Variants in PCDH9 observed in about 807,000 individuals in gnomAD.
The protein encoded by PCDH9 is protocadherin 9, also known as protocadherin-9.
PCDH9 carries 24 observed loss-of-function variants against 70.6 expected under a neutral mutation model. The ratio of observed to expected loss-of-function variants is 0.34; its 90% CI spans 0.25 to 0.48. The LOEUF is 0.48. PCDH9 is among the 20% of genes least tolerant of loss of function. The pLI is 0.99. For missense variants in PCDH9, 1,281 were observed against 1,503.6 expected (o/e 0.85, Z 2.45); for synonymous variants, 562 against 558.5 (o/e 1.01, Z -0.09).
intron 4 of PCDH9, among the ~76,000 whole-genome samples, chr13:66,498,115 C>T (rs1433290820): frequency 1.3e-5 from 2 of 151,684 alleles, no homozygotes; most frequent in African/African-American, 4.8e-5. Flanking sequence ...CCACCACGCC[C>T]AGCCCAAACT....
intron 4 of PCDH9, among the ~76,000 whole-genome samples, chr13:66,386,483 TAAG>T (rs1956932720): frequency 6.6e-6 from 1 of 152,176 alleles, no homozygotes; most frequent in African/African-American, 2.4e-5. Context: ...TCAAAGAATA[TAAG>T]AAGTACTTAC....
intron 2 of PCDH9, among the ~76,000 whole-genome samples, chr13:66,938,614 G>C (rs1045569743): frequency 6.6e-6 from 1 of 152,130 alleles, no homozygotes; most frequent in African/African-American, 2.4e-5. Flanking sequence ...ATGCAGAAAC[G>C]ACTGACATTG....
At position 66,849,059 on chromosome 13, in the gene PCDH9, G is replaced by A. The variant is rs539388786; in HGVS notation, c.3138+54445C>T. ...AAGTTAACAGTTCTAATAAATTAGC[G>A]TTTTAGAATATGATTCCTTTGTAGC... On this transcript the variant is annotated intron_variant, in intron 3 of 4. Transcript: ENST00000377865. 4.0e-5 allele frequency among the ~76,000 whole-genome samples: 6 copies of A among 151,572 alleles called. No homozygotes were observed. The South Asian group carries it at 1.2e-3, about 31-fold the overall frequency.
intron 2 of PCDH9, among the ~76,000 whole-genome samples, chr13:66,961,780 C>T (rs945878137): frequency 1.3e-5 from 2 of 151,974 alleles, no homozygotes; most frequent in African/African-American, 2.4e-5. Flanking sequence ...TGACCAGGTG[C>T]GGTGGCTCAT....
rs2083027294 is a variant in PCDH9, at chr13:66,942,829, ATTCCTT to A, written c.3037-39230_3037-39225del. On this transcript the variant is annotated intron_variant, in intron 2 of 4. Coordinates refer to ENST00000377865, the MANE Select transcript of PCDH9 (RefSeq NM_203487.3). ...AATGATGGAATTGTTTTTCTGGTTT[ATTCCTT>A]AAATGGCCTGAGCCAAGTGTTTGAC... Among the ~76,000 whole-genome samples, 3 of 152,116 alleles carry A rather than the reference ATTCCTT, an allele frequency of 2.0e-5. No homozygotes were observed. The South Asian group carries it at 6.2e-4, about 31-fold the overall frequency.
intron 3 of PCDH9, among the ~76,000 whole-genome samples, chr13:66,750,675 T>C (rs1225041590): frequency 4.6e-5 from 7 of 151,808 alleles, no homozygotes; most frequent in Non-Finnish European, 1.0e-4. Context: ...AAACCAAATC[T>C]GCTTAAATTA....
intron 3 of PCDH9, among the ~76,000 whole-genome samples, chr13:66,749,008 A>G (rs1310633338): frequency 1.3e-5 from 2 of 152,206 alleles, no homozygotes; most frequent in East Asian, 1.9e-4. Context: ...TTCCCCCTTC[A>G]TTCATTTTTC....
chr13:67,027,238 C>T (rs1322159638), intron 2 of PCDH9, among the ~76,000 whole-genome samples: 1 of 152,076 alleles, frequency 6.6e-6, no homozygotes, highest in Non-Finnish European at 1.5e-5. Context: ...CGGAACAGAA[C>T]AGAGCCCTCA....
chr13:66,367,173 T>A (rs1244325233), intron 4 of PCDH9, among the ~76,000 whole-genome samples: 1 of 152,168 alleles, frequency 6.6e-6, no homozygotes, highest in Non-Finnish European at 1.5e-5. Context: ...TTATGTAGGT[T>A]ATTTATTCAT....
At chr13:66,658,045 A>T (rs1270212318) in intron 3 of PCDH9, among the ~76,000 whole-genome samples, 1 of 152,210 alleles carries the variant, frequency 6.6e-6, no homozygotes, top group African/African-American at 2.4e-5. Flanking sequence ...GATGATTTTT[A>T]AAATATGGGA....
intron 4 of PCDH9, among the ~76,000 whole-genome samples, chr13:66,583,400 C>G (rs768324596): frequency 6.6e-6 from 1 of 151,916 alleles, no homozygotes; most frequent in Non-Finnish European, 1.5e-5. Flanking sequence ...ATCACGAGGT[C>G]AGGAGATTGA....
At chr13:66,444,988 A>T (rs1395199637) in intron 4 of PCDH9, among the ~76,000 whole-genome samples, 2 of 149,072 alleles carry the variant, frequency 1.3e-5, no homozygotes, top group African/African-American at 5.0e-5. Context: ...GACTTCAGAA[A>T]ATATTAGCAT....
At chr13:66,314,304 G>A (rs1955613219) in intron 4 of PCDH9, among the ~76,000 whole-genome samples, 1 of 152,188 alleles carries the variant, frequency 6.6e-6, no homozygotes, top group Non-Finnish European at 1.5e-5. Flanking sequence ...AGAGTTTTAA[G>A]CACACAAATT....
At chr13:66,818,660 C>T (rs919704729) in intron 3 of PCDH9, among the ~76,000 whole-genome samples, 2 of 152,076 alleles carry the variant, frequency 1.3e-5, no homozygotes, top group Non-Finnish European at 2.9e-5. Flanking sequence ...GGGCCAGGTG[C>T]GGTGGCTCAC....
At chr13:66,740,292 C>G (rs1225039904) in intron 3 of PCDH9, among the ~76,000 whole-genome samples, 3 of 113,796 alleles carry the variant, frequency 2.6e-5, no homozygotes, top group Non-Finnish European at 3.7e-5. Flanking sequence ...TTGAAACCAA[C>G]GAGAACAAAG....
intron 4 of PCDH9, among the ~76,000 whole-genome samples, chr13:66,527,408 C>A (rs1399028175): frequency 6.6e-6 from 1 of 152,104 alleles, no homozygotes; most frequent in African/African-American, 2.4e-5. Flanking sequence ...CTCTGACCTA[C>A]AGGTGATTAA....
intron 2 of PCDH9, among the ~76,000 whole-genome samples, chr13:67,125,454 C>G (rs1043037210): frequency 6.6e-6 from 1 of 152,264 alleles, no homozygotes; most frequent in African/African-American, 2.4e-5. Flanking sequence ...AAAAAGACAG[C>G]AGGAGAGAAG....
intron 3 of PCDH9, among the ~76,000 whole-genome samples, chr13:66,660,660 G>A (rs888308472): frequency 4.6e-5 from 7 of 151,918 alleles, no homozygotes; most frequent in Admixed American, 4.6e-4. Flanking sequence ...CTAGCAACTT[G>A]TTATTTACAA....
At chr13:66,852,498 C>G (rs1316705497) in intron 3 of PCDH9, among the ~76,000 whole-genome samples, 1 of 152,112 alleles carries the variant, frequency 6.6e-6, no homozygotes, top group African/African-American at 2.4e-5. Flanking sequence ...AGGAAAGATA[C>G]ATATGTATAA....
Sources: allele counts gnomAD v4.1 joint callset (sites outside exome capture counted in the v4.1 genomes callset), GRCh38; gene constraint gnomAD v4.1.1; transcripts MANE v1.5; gene names NCBI Gene and HGNC (gene_info 2026-07-23, HGNC 2026-07-21).